The following TFEC variants were observed in gnomAD, a reference collection of about 807,000 sequenced individuals.
TFEC encodes class E basic helix-loop-helix protein 34.
A neutral mutation model predicts 41.6 loss-of-function variants in TFEC; 31 were observed. The ratio of observed to expected loss-of-function variants is 0.74; its 90% CI spans 0.56 to 1.01. TFEC has a LOEUF of 1.01. Among genes scored for constraint, TFEC ranks in the 50% least tolerant of loss-of-function variants. TFEC has a pLI of 0.00. For synonymous variants in TFEC, 143 were observed against 140.6 expected (o/e 1.02, Z -0.12); for missense variants, 402 against 404.1 (o/e 0.99, Z 0.04).
At chr7:115,945,464 G>A (rs888620874) in intron 6 of TFEC, among the ~76,000 whole-genome samples, 5 of 151,562 alleles carry the variant, frequency 3.3e-5, no homozygotes, top group Admixed American at 6.6e-5. Context: ...ACCCTAAAGA[G>A]GGACACTGGA....
intron 1 of TFEC, among the ~76,000 whole-genome samples, chr7:116,026,381 G>C (rs564066939): frequency 6.6e-6 from 1 of 152,228 alleles, no homozygotes; most frequent in East Asian, 1.9e-4. Context: ...TACTTTCATT[G>C]TAACATTTGT....
At chr7:116,137,780 A>C (rs1249178697) in intron 1 of TFEC, among the ~76,000 whole-genome samples, 1 of 152,134 alleles carries the variant, frequency 6.6e-6, no homozygotes, top group Non-Finnish European at 1.5e-5. Context: ...ATCAATTTAT[A>C]AAATTTGAAC....
At chr7:116,091,608 A>G (rs1001352299) in intron 3 of TFEC, among the ~76,000 whole-genome samples, 1 of 152,180 alleles carries the variant, frequency 6.6e-6, no homozygotes, top group African/African-American at 2.4e-5. Context: ...CTATATAAAC[A>G]AAGATATTTG....
intron 3 of TFEC, among the ~76,000 whole-genome samples, chr7:116,104,982 A>G (rs1470894043): frequency 6.6e-6 from 1 of 152,152 alleles, no homozygotes; most frequent in Non-Finnish European, 1.5e-5. Flanking sequence ...CTCATGTTCC[A>G]TAAGTTTTAC....
chr7:116,024,196 T>C (rs1024196690), intron 1 of TFEC, among the ~76,000 whole-genome samples: 6 of 152,142 alleles, frequency 3.9e-5, no homozygotes, highest in African/African-American at 4.8e-5. Flanking sequence ...AAGGCCTCAT[T>C]ATCCATGTGT....
At chr7:116,065,622 C>T (rs542555920) in intron 3 of TFEC, among the ~76,000 whole-genome samples, 19 of 152,020 alleles carry the variant, frequency 1.2e-4, no homozygotes, top group African/African-American at 4.6e-4. Flanking sequence ...AACGAATCAG[C>T]AATACTTGTG....
chr7:115,944,018 T>G (rs1793655840), intron 6 of TFEC, among the ~76,000 whole-genome samples: 1 of 108,058 alleles, frequency 9.3e-6, no homozygotes, highest in African/African-American at 3.3e-5. Context: ...TCTGAATTTT[T>G]TTTTTTTTTT....
chr7:115,947,716 T>C (rs1313933080), intron 6 of TFEC, among the ~76,000 whole-genome samples: 2 of 149,990 alleles, frequency 1.3e-5, no homozygotes, highest in African/African-American at 4.8e-5. Context: ...CATAAATGTC[T>C]TCTTTTGAGA....
At chr7:116,149,114 AAAG>A (rs1286451479) in intron 1 of TFEC, among the ~76,000 whole-genome samples, 3 of 152,208 alleles carry the variant, frequency 2.0e-5, no homozygotes, top group East Asian at 1.9e-4. Flanking sequence ...TGCCTCTGAA[AAAG>A]AAGGATGAAA....
At chr7:116,124,898 G>T (rs1798179035) in intron 1 of TFEC, among the ~76,000 whole-genome samples, 1 of 152,114 alleles carries the variant, frequency 6.6e-6, no homozygotes, top group Admixed American at 6.6e-5. Flanking sequence ...GAATGCAAAT[G>T]GCCTGCATTA....
rs114641175 is a variant in TFEC, at chr7:116,108,309, C to T, written c.198+2399G>A. 4.5e-3 allele frequency among the ~76,000 whole-genome samples: 684 copies of T among 152,148 alleles called. 1 individual carries two copies. The highest frequency in any genetic ancestry group is 0.016 in the African/African-American group (657 of 41,510). On this transcript the variant is annotated intron_variant, in intron 3 of 8. Coordinates refer to the TFEC transcript ENST00000484212. ...AATAAAGCAAGTATTATTGATATAG[C>T]TACTTCCTGAAAATGGAGCTGGCAA...
At chr7:116,152,492 G>T (rs1009230539) in intron 1 of TFEC, among the ~76,000 whole-genome samples, 2 of 152,192 alleles carry the variant, frequency 1.3e-5, no homozygotes, top group African/African-American at 4.8e-5. Flanking sequence ...AGCGGGTACT[G>T]ATCAGGGCAT....
intron 3 of TFEC, among the ~76,000 whole-genome samples, chr7:116,049,657 A>C (rs183736301): frequency 3.3e-5 from 5 of 152,210 alleles, no homozygotes; most frequent in East Asian, 3.8e-4. Context: ...ACTCTCCACC[A>C]CAAATCAACA....
At chr7:116,147,392 A>C (rs550929723) in intron 1 of TFEC, among the ~76,000 whole-genome samples, 4 of 152,204 alleles carry the variant, frequency 2.6e-5, no homozygotes, top group Non-Finnish European at 5.9e-5. Context: ...TGACTAATGG[A>C]TGATTTATCT....
upstream of TFEC, among the ~76,000 whole-genome samples, chr7:116,031,154 T>C (rs1222025667): frequency 6.6e-6 from 1 of 152,176 alleles, no homozygotes; most frequent in Non-Finnish European, 1.5e-5. Context: ...TTTTTCAATT[T>C]TAGGAATTGC....
At chr7:116,042,306 T>C (rs993235743) in intron 3 of TFEC, among the ~76,000 whole-genome samples, 1 of 152,144 alleles carries the variant, frequency 6.6e-6, no homozygotes, top group East Asian at 1.9e-4. Flanking sequence ...TTGCATTGTA[T>C]ATGAAGAGAA....
At chr7:116,030,253 G>A (rs571766939) in intron 1 of TFEC, among the ~76,000 whole-genome samples, 2 of 152,134 alleles carry the variant, frequency 1.3e-5, no homozygotes, top group South Asian at 4.1e-4. Flanking sequence ...AATAGATATT[G>A]CTCAAATGTA....
chr7:116,047,399 A>C (rs1432692058), intron 3 of TFEC, among the ~76,000 whole-genome samples: 1 of 152,146 alleles, frequency 6.6e-6, no homozygotes, highest in African/African-American at 2.4e-5. Context: ...AGACTCGCTC[A>C]CTGCTAGCAC....
At chr7:115,943,484 A>C (rs906724199) in intron 6 of TFEC, among the ~76,000 whole-genome samples, 3 of 152,174 alleles carry the variant, frequency 2.0e-5, no homozygotes, top group African/African-American at 7.2e-5. Context: ...GTTCAAAAAC[A>C]AACCTTCAAA....
Sources: allele counts gnomAD v4.1 joint callset (sites outside exome capture counted in the v4.1 genomes callset), GRCh38; gene constraint gnomAD v4.1.1; transcripts MANE v1.5; gene names NCBI Gene and HGNC (gene_info 2026-07-23, HGNC 2026-07-21).